TENM3: variants seen among roughly 807,000 people sequenced by gnomAD.
The protein encoded by TENM3 is teneurin transmembrane protein 3, also known as teneurin-3.
TENM3 carries 63 observed loss-of-function variants against 255.1 expected under a neutral mutation model. The observed-to-expected ratio is 0.25, with a 90% CI of 0.20 to 0.30. The LOEUF is 0.30. TENM3 is among the 10% of genes least tolerant of loss of function. The pLI, the probability that TENM3 is intolerant of heterozygous loss-of-function variation, is 1.00. For missense variants in TENM3, 2,929 were observed against 3,461.1 expected, an observed-to-expected ratio of 0.85 and a Z score of 3.86; for synonymous variants, 1,306 against 1,322.3, an observed-to-expected ratio of 0.99 and a Z score of 0.27.
At chr4:181,889,012 A>G in the TENM3 span, among the ~76,000 whole-genome samples, 3 of 152,146 alleles carry the variant, frequency 2.0e-5, no homozygotes, top group African/African-American at 7.2e-5. Flanking sequence ...AAACGCACCA[A>G]GGAATACTGT....
the TENM3 span, among the ~76,000 whole-genome samples, chr4:181,756,000 T>C: frequency 1.3e-5 from 2 of 152,158 alleles, no homozygotes; most frequent in Non-Finnish European, 2.9e-5. Flanking sequence ...TTGGGAAATA[T>C]GTGACGATGA....
At chr4:181,477,917 C>T in the TENM3 span, among the ~76,000 whole-genome samples, 2 of 151,816 alleles carry the variant, frequency 1.3e-5, no homozygotes, top group African/African-American at 2.4e-5. Flanking sequence ...ATGGCCTTAC[C>T]CTCCCCCTGT....
intron 3 of TENM3, among the ~76,000 whole-genome samples, chr4:182,386,597 G>A (rs1042253865): frequency 2.0e-4 from 31 of 152,170 alleles, no homozygotes; most frequent in African/African-American, 7.2e-4. Flanking sequence ...TGCGCGCAGC[G>A]CTTGCGGGCC....
chr4:182,600,896 T>TC, intron 3 of TENM3, 28 bp from the exon 4 acceptor site: 1 of 1,064,982 alleles, frequency 9.4e-7, no homozygotes, highest in Non-Finnish European at 1.4e-6. Flanking sequence ...GAGTTCTCTT[T>TC]CTTTTTTTTT....
At chr4:181,797,517 T>C in the TENM3 span, among the ~76,000 whole-genome samples, 1 of 152,118 alleles carries the variant, frequency 6.6e-6, no homozygotes, top group Non-Finnish European at 1.5e-5. Context: ...TATACATGAA[T>C]GTGTATATAT....
the TENM3 span, among the ~76,000 whole-genome samples, chr4:181,791,211 C>T: frequency 6.6e-6 from 1 of 152,294 alleles, no homozygotes; most frequent in African/African-American, 2.4e-5. Context: ...ACGGGCCGTG[C>T]AGCTACTCAA....
the TENM3 span, among the ~76,000 whole-genome samples, chr4:181,827,534 T>C: frequency 6.6e-6 from 1 of 152,132 alleles, no homozygotes; most frequent in African/African-American, 2.4e-5. Flanking sequence ...TGCAACAAAT[T>C]CTTTGTTGAT....
At chr4:182,119,137 G>A in the TENM3 span, among the ~76,000 whole-genome samples, 1 of 152,114 alleles carries the variant, frequency 6.6e-6, no homozygotes, top group Admixed American at 6.5e-5. Flanking sequence ...CTAGAGATGA[G>A]TATTTCCCTC....
At chr4:182,354,505 A>G (rs1163426400) in intron 3 of TENM3, among the ~76,000 whole-genome samples, 1 of 152,318 alleles carries the variant, frequency 6.6e-6, no homozygotes, top group East Asian at 1.9e-4. Flanking sequence ...TGAGCACTCA[A>G]GTGTCGGAAA....
At chr4:181,845,176 C>A in the TENM3 span, among the ~76,000 whole-genome samples, 2 of 152,082 alleles carry the variant, frequency 1.3e-5, no homozygotes, top group Admixed American at 1.3e-4. Flanking sequence ...TTTTTTCTAT[C>A]CTTTTCAAAA....
At chr4:181,546,427 C>T in the TENM3 span, among the ~76,000 whole-genome samples, 1 of 152,146 alleles carries the variant, frequency 6.6e-6, no homozygotes, top group Non-Finnish European at 1.5e-5. Context: ...ACAGAAATGG[C>T]ACCTGAGGCT....
At chr4:182,478,546 G>GT (rs1733898086) in intron 3 of TENM3, among the ~76,000 whole-genome samples, 2 of 151,610 alleles carry the variant, frequency 1.3e-5, no homozygotes. Context: ...AGCCCTCACC[G>GT]TGAGTCTTCC....
the TENM3 span, among the ~76,000 whole-genome samples, chr4:181,574,127 GC>G: frequency 6.6e-6 from 1 of 152,166 alleles, no homozygotes; most frequent in African/African-American, 2.4e-5. Flanking sequence ...TCTGATAACT[GC>G]TTTTATGTTT....
At chr4:182,676,845 G>A (rs1056285894) in intron 7 of TENM3, among the ~76,000 whole-genome samples, 1 of 152,116 alleles carries the variant, frequency 6.6e-6, no homozygotes, top group Non-Finnish European at 1.5e-5. Context: ...ACCTTTAAAC[G>A]GAGCTTTCAC....
At chr4:181,647,850 G>A in the TENM3 span, among the ~76,000 whole-genome samples, 1 of 152,228 alleles carries the variant, frequency 6.6e-6, no homozygotes, top group African/African-American at 2.4e-5. Context: ...GAGAGAGAGG[G>A]AAATAGGCTC....
chr4:182,379,877 A>G (rs1767448705), intron 3 of TENM3, among the ~76,000 whole-genome samples: 1 of 152,172 alleles, frequency 6.6e-6, no homozygotes, highest in African/African-American at 2.4e-5. Flanking sequence ...AGGGTTATTG[A>G]GCAGAGATAA....
chr4:181,801,269 CTT>C, the TENM3 span, among the ~76,000 whole-genome samples: 1 of 152,122 alleles, frequency 6.6e-6, no homozygotes, highest in East Asian at 1.9e-4. Context: ...CTCTAAGACT[CTT>C]TACACGTCTG....
At chr4:181,651,198 TATGAAA>T in the TENM3 span, among the ~76,000 whole-genome samples, 1 of 152,226 alleles carries the variant, frequency 6.6e-6, no homozygotes, top group Non-Finnish European at 1.5e-5. Context: ...GCTGCATGGA[TATGAAA>T]ATGGAAATGG....
the TENM3 span, among the ~76,000 whole-genome samples, chr4:181,500,630 T>C: frequency 2.0e-5 from 3 of 152,158 alleles, no homozygotes; most frequent in East Asian, 1.9e-4. Flanking sequence ...AATATAAAAT[T>C]GTCATCCCTC....
Sources: gnomAD v4.1 joint callset for allele counts (sites outside exome capture counted in the v4.1 genomes callset) on GRCh38, gnomAD v4.1.1 for gene constraint, MANE v1.5 for transcripts, NCBI Gene and HGNC (gene_info 2026-07-23, HGNC 2026-07-21) for gene names.